Variants in KPNA5 observed in about 807,000 individuals in gnomAD.
KPNA5 encodes karyopherin subunit alpha 5.
KPNA5 carries 46 observed loss-of-function variants against 71.3 expected under a neutral mutation model. The observed-to-expected ratio is 0.65, with a 90% CI of 0.51 to 0.83. KPNA5 has a LOEUF of 0.83. Among genes scored for constraint, KPNA5 ranks in the 40% least tolerant of loss-of-function variants. The probability of loss-of-function intolerance (pLI) is 0.00; values close to 1 mark genes in which losing one functional copy is unlikely to be tolerated. For synonymous variants in KPNA5, 207 were observed against 201.4 expected (o/e 1.03, Z -0.24); for missense variants, 547 against 628.3 (o/e 0.87, Z 1.38).
At chr6:116,698,633 TAATGGACA>T (rs1185339473) in intron 4 of KPNA5, 63 bp from the exon 5 acceptor site, 3 of 832,196 alleles carry the variant, frequency 3.6e-6, no homozygotes, top group Non-Finnish European at 5.8e-6. Flanking sequence ...TGTGCCCTGT[TAATGGACA>T]CAGGGACTAG....
intron 5 of KPNA5, among the ~76,000 whole-genome samples, chr6:116,699,853 G>C (rs77160276): frequency 0.041 from 6,237 of 152,260 alleles, 368 homozygotes; most frequent in African/African-American, 0.13. Flanking sequence ...TTGAGAGCTA[G>C]TTTGAGCAAA....
intron 1 of KPNA5, among the ~76,000 whole-genome samples, chr6:116,681,976 T>C (rs1470412712): frequency 6.6e-6 from 1 of 152,040 alleles, no homozygotes; most frequent in Non-Finnish European, 1.5e-5. Context: ...CTAAAGAATA[T>C]GACATTGGCG....
At chr6:116,686,963 T>C (rs892058360) in intron 1 of KPNA5, among the ~76,000 whole-genome samples, 2 of 152,224 alleles carry the variant, frequency 1.3e-5, no homozygotes, top group Non-Finnish European at 2.9e-5. Flanking sequence ...TCAGGTAATA[T>C]GATGCCTCCA....
intron 5 of KPNA5, 56 bp from the exon 6 acceptor site, chr6:116,701,963 G>T: frequency 6.5e-7 from 1 of 1,543,908 alleles, no homozygotes. Flanking sequence ...TTCCTTCTTT[G>T]CCTTTCTGAC....
In KPNA5 at chr6:116,732,297, G is replaced by A. The variant is rs1482703713; in HGVS notation, c.1594G>A (p.Ala532Thr). 6.6e-7 allele frequency: 1 copy of A among 1,519,386 alleles called. No individual in the cohort carries two copies. Among genetic ancestry groups the A allele is most frequent in the Non-Finnish European group, 8.8e-7 (1 of 1,130,228 alleles). The allele number at this position is 1,519,386 out of a possible 1,614,324, so 94.1% of individuals were successfully genotyped here. A position where few individuals can be genotyped will look rare whatever the true frequency, so the allele number is the denominator to read the frequency against. ...ACAGTTTATATTTCAGCAGCAGGAAGCACCAATGGATGGATTTCAACTTTA... is the reference window on the plus strand; with the variant it reads ...ACAGTTTATATTTCAGCAGCAGGAAACACCAATGGATGGATTTCAACTTTA... ...QQQFIFQQQE[A>T]PMDGFQL Residue 532 changes from alanine (A) to threonine (T), a missense_variant, in exon 14 of 14, where the codon GCA (alanine) becomes ACA (threonine). Ala to Thr is a moderately conservative substitution (Grantham distance 58, BLOSUM62 0). Coordinates refer to ENST00000368564, the MANE Select transcript of KPNA5 (RefSeq NM_001366306.2).
intron 8 of KPNA5, among the ~76,000 whole-genome samples, chr6:116,719,211 A>G (rs774034344): frequency 3.3e-5 from 5 of 152,144 alleles, no homozygotes; most frequent in Non-Finnish European, 5.9e-5. Flanking sequence ...CTAAGGATTT[A>G]TAGTGTTATT....
chr6:116,701,802 C>T (rs1778240075), intron 5 of KPNA5, among the ~76,000 whole-genome samples: 1 of 152,014 alleles, frequency 6.6e-6, no homozygotes, highest in Non-Finnish European at 1.5e-5. Context: ...TCTTATTTTT[C>T]CATATTAAAG....
rs1777352912 is a variant in KPNA5, at chr6:116,681,493, G to A, written c.4+155G>A. ...CGGGTGTTTCTCGTGTTTTCCCCAG[G>A]GCGACAGCGGTCGCGGGGGCGTGGC... is the stretch of plus-strand genomic sequence containing the variant. On this transcript the variant is annotated intron_variant, in intron 1 of 13. Transcript: ENST00000368564. 5 of 1,373,906 alleles carry A rather than the reference G, an allele frequency of 3.6e-6. No homozygotes were observed. The South Asian group carries it at 8.9e-5, about 24-fold the overall frequency. The allele number at this position is 1,373,906 out of a possible 1,614,324, so 85.1% of individuals were successfully genotyped here. A position where few individuals can be genotyped will look rare whatever the true frequency, so the allele number is the denominator to read the frequency against.
chr6:116,707,659 C>G (rs1778499548), intron 7 of KPNA5, among the ~76,000 whole-genome samples: 1 of 152,198 alleles, frequency 6.6e-6, no homozygotes, highest in Non-Finnish European at 1.5e-5. Context: ...CAACTCTTAG[C>G]ATACAAAAGC....
At chr6:116,691,943 G>A in intron 2 of KPNA5, 112 bp from the exon 3 acceptor site, 1 of 710,670 alleles carries the variant, frequency 1.4e-6, no homozygotes, top group Non-Finnish European at 2.5e-6. Flanking sequence ...AGAATTTTAA[G>A]TTATAAAATT....
At chr6:116,723,555 T>G (rs973003318) in intron 9 of KPNA5, among the ~76,000 whole-genome samples, 2 of 152,184 alleles carry the variant, frequency 1.3e-5, no homozygotes, top group Non-Finnish European at 2.9e-5. Context: ...CACAGAAGCC[T>G]ATTTGAAGGG....
chr6:116,702,368 A>T (rs1365744479), intron 6 of KPNA5, among the ~76,000 whole-genome samples: 1 of 152,172 alleles, frequency 6.6e-6, no homozygotes, highest in African/African-American at 2.4e-5. Flanking sequence ...TAGCATAGGA[A>T]TTACTATTCC....
intron 4 of KPNA5, among the ~76,000 whole-genome samples, chr6:116,695,734 A>G (rs1450116922): frequency 6.6e-6 from 1 of 152,160 alleles, no homozygotes; most frequent in Non-Finnish European, 1.5e-5. Context: ...TTTCTTCCTC[A>G]CAATACTTCA....
intron 6 of KPNA5, among the ~76,000 whole-genome samples, chr6:116,704,557 T>G (rs1778360254): frequency 6.6e-6 from 1 of 152,228 alleles, no homozygotes; most frequent in African/African-American, 2.4e-5. Flanking sequence ...TGCTCTTTGT[T>G]GAACAGTATA....
At chr6:116,729,885 C>T (rs998300539) in intron 13 of KPNA5, 144 bp downstream of exon 13, 3 of 441,908 alleles carry the variant, frequency 6.8e-6, no homozygotes, top group Non-Finnish European at 1.2e-5. Flanking sequence ...TTTTATTACC[C>T]TAACAATTTA....
intron 11 of KPNA5, 42 bp from the exon 12 acceptor site, chr6:116,726,453 G>C: frequency 6.8e-7 from 1 of 1,481,068 alleles, no homozygotes; most frequent in Non-Finnish European, 9.0e-7. Flanking sequence ...TAATATTTTA[G>C]AAACAGTATT....
chr6:116,716,164 TA>T (rs768658379), intron 7 of KPNA5, 54 bp from the exon 8 acceptor site: 94 of 1,334,666 alleles, frequency 7.0e-5, no homozygotes, highest in Non-Finnish European at 9.6e-5. Flanking sequence ...TTATGATAGC[TA>T]AAGAGGAAAA....
chr6:116,684,219 A>C (rs1365891140), intron 1 of KPNA5, among the ~76,000 whole-genome samples: 1 of 152,002 alleles, frequency 6.6e-6, no homozygotes, highest in African/African-American at 2.4e-5. Flanking sequence ...GGCCATATTG[A>C]GCAGTTTCTA....
At chr6:116,729,798 TC>T (rs938212010) in intron 13 of KPNA5, 57 bp downstream of exon 13, 16 of 1,124,532 alleles carry the variant, frequency 1.4e-5, no homozygotes, top group Admixed American at 3.0e-5. Flanking sequence ...TGTCATACTT[TC>T]CCCTTCCAGT....
Sources: allele counts gnomAD v4.1 joint callset (sites outside exome capture counted in the v4.1 genomes callset), GRCh38; gene constraint gnomAD v4.1.1; transcripts MANE v1.5; gene names NCBI Gene and HGNC (gene_info 2026-07-23, HGNC 2026-07-21).